NUDT14: variants seen among roughly 807,000 people sequenced by gnomAD.
NUDT14 encodes nudix hydrolase 14, also known as uridine diphosphate glucose pyrophosphatase NUDT14.
A neutral mutation model predicts 17.5 loss-of-function variants in NUDT14; 22 were observed. The ratio of observed to expected loss-of-function variants is 1.26; its 90% CI spans 0.90 to 1.80. NUDT14 has a LOEUF of 1.80. NUDT14 is among the 40% of genes most tolerant of loss of function. The pLI, the probability that NUDT14 is intolerant of heterozygous loss-of-function variation, is 0.00. For missense variants in NUDT14, 296 were observed against 295.6 expected, an observed-to-expected ratio of 1.00 and a Z score of -0.01; for synonymous variants, 129 against 125.8, an observed-to-expected ratio of 1.03 and a Z score of -0.17.
chr14:105,181,228 GGGGGCCGCGAGCTCTGC>G lies in NUDT14; in HGVS notation c.-36_-20del. ...GCTCCATGGCGGCGCCCGGACAGGCGGGGGCCGCGAGCTCTGCGGGGGCCGACACGGGGCGGCGCCCT... is the reference window on the plus strand; with the variant it reads ...GCTCCATGGCGGCGCCCGGACAGGCGGGGGGCCGACACGGGGCGGCGCCCT... On this transcript the variant is annotated 5_prime_UTR_variant, in exon 1 of 5. Transcript: ENST00000392568. The surrounding 1 kb of genome is among the most constrained non-coding windows in gnomAD (Gnocchi z 5.0). 3.8e-6 allele frequency: 1 copy of G among 261,770 alleles called. No individual in the cohort carries two copies. The highest frequency in any genetic ancestry group is 1.1e-4 in the South Asian group (1 of 9,424). 16.2% of individuals were successfully genotyped at this position (261,770 alleles called of 1,614,324 possible).
At chr14:105,174,903 C>G (rs1016691130) in intron 4 of NUDT14, among the ~76,000 whole-genome samples, 4 of 152,196 alleles carry the variant, frequency 2.6e-5, no homozygotes, top group Non-Finnish European at 5.9e-5. Flanking sequence ...AGCCACGGGC[C>G]CTGCCACAGG....
chr14:105,173,774 C>G lies in NUDT14; in HGVS notation c.429-513G>C, dbSNP rs1889155993. 6.6e-6 allele frequency: 1 copy of G among 151,810 alleles called. No individual in the cohort carries two copies. The allele number at this position is 151,810 out of a possible 1,614,324, so 9.4% of individuals were successfully genotyped here. A position where few individuals can be genotyped will look rare whatever the true frequency, so the allele number is the denominator to read the frequency against. On this transcript the variant is annotated intron_variant, in intron 4 of 4. Coordinates refer to ENST00000392568, the MANE Select transcript of NUDT14 (RefSeq NM_177533.5). The surrounding 1 kb of genome is among the most constrained non-coding windows in gnomAD (Gnocchi z 4.7). The stretch of plus-strand genomic sequence containing the variant: ...AAGACCCCAAGCCCCCATGAGATTG[C>G]AGATCCGGCTGACAACCTGCCTGCA...
chr14:105,177,559 G>A (rs1316483137), intron 2 of NUDT14, 133 bp downstream of exon 2: 7 of 810,960 alleles, frequency 8.6e-6, no homozygotes, highest in Non-Finnish European at 1.4e-5. Flanking sequence ...GCCGGGCAGA[G>A]AGAAGGGACT....
chr14:105,176,042 C>T (rs1889205544), intron 4 of NUDT14: 3 of 1,207,230 alleles, frequency 2.5e-6, no homozygotes, highest in African/African-American at 1.6e-5. Flanking sequence ...GGCAACCCCA[C>T]CCCAGCTGGC....
chr14:105,177,247 G>A, intron 2 of NUDT14: 1 of 650,724 alleles, frequency 1.5e-6, no homozygotes. Flanking sequence ...ATTCCAGCTG[G>A]CAGGATGGGA....
At chr14:105,178,266 G>A (rs1889258950) in intron 1 of NUDT14, among the ~76,000 whole-genome samples, 1 of 152,112 alleles carries the variant, frequency 6.6e-6, no homozygotes, top group African/African-American at 2.4e-5. Context: ...AGGAGCAGAT[G>A]AGGAAGGGTG....
intron 1 of NUDT14, among the ~76,000 whole-genome samples, chr14:105,178,974 G>A (rs963740843): frequency 1.3e-5 from 2 of 152,086 alleles, no homozygotes; most frequent in African/African-American, 4.8e-5. Flanking sequence ...GGCGACCCCA[G>A]GCCTGCCTGA....
intron 2 of NUDT14, 62 bp from the exon 3 acceptor site, chr14:105,177,089 TC>T: frequency 6.7e-7 from 1 of 1,502,482 alleles, no homozygotes. Flanking sequence ...GGGCCCCACC[TC>T]CCATCTTTCT....
chr14:105,174,649 G>A lies in NUDT14; in HGVS notation c.429-1388C>T, dbSNP rs113524219. Among the ~76,000 whole-genome samples the A allele has an allele frequency of 9.0e-3, 1,370 of 152,254 alleles. 10 individuals are homozygous for A. Among genetic ancestry groups the A allele is most frequent in the Non-Finnish European group, 0.013 (911 of 67,988 alleles). On this transcript the variant is annotated intron_variant, in intron 4 of 4. Transcript: ENST00000392568. Reference sequence around the variant, plus strand: ...CATTTCCGGCGGCGGCCGCGGCTGCGCCTCTGAGGGAAGTGGCGGGTCTGG... The same window carrying A: ...CATTTCCGGCGGCGGCCGCGGCTGCACCTCTGAGGGAAGTGGCGGGTCTGG...
chr14:105,176,401 T>A, intron 4 of NUDT14, 133 bp downstream of exon 4: 1 of 800,688 alleles, frequency 1.2e-6, no homozygotes, highest in South Asian at 1.6e-5. Flanking sequence ...GCGCATTCGG[T>A]CCAACCCTCC....
Position 105,173,312 on chromosome 14 carries a change from C to G in NUDT14, c.429-51G>C. 1.4e-6 allele frequency: 2 copies of G among 1,452,036 alleles called. No homozygotes were observed. The highest frequency in any genetic ancestry group is 3.1e-5 in the South Asian group (2 of 64,976). 89.9% of individuals were successfully genotyped at this position (1,452,036 alleles called of 1,614,324 possible). On this transcript the variant is annotated intron_variant, in intron 4 of 4. Transcript: ENST00000392568. The surrounding 1 kb of genome is among the most constrained non-coding windows in gnomAD (Gnocchi z 4.7). ...AGTCACCCACGCTGGCCCCGCTGGC[C>G]CCCTGGCCCTTCTACCACCCTCCAA...
rs1889144475 is a variant in NUDT14, at chr14:105,173,310, G to A, written c.429-49C>T. On this transcript the variant is annotated intron_variant, in intron 4 of 4. Coordinates refer to ENST00000392568, the MANE Select transcript of NUDT14 (RefSeq NM_177533.5). The surrounding 1 kb of genome is among the most constrained non-coding windows in gnomAD (Gnocchi z 4.7). ...TGAGTCACCCACGCTGGCCCCGCTG[G>A]CCCCCTGGCCCTTCTACCACCCTCC... 3.5e-6 allele frequency: 5 copies of A among 1,446,676 alleles called. No individual in the cohort carries two copies. In the East Asian group the frequency reaches 7.8e-5, roughly 23 times the overall value. The allele number at this position is 1,446,676 out of a possible 1,614,324, so 89.6% of individuals were successfully genotyped here. A position where few individuals can be genotyped will look rare whatever the true frequency, so the allele number is the denominator to read the frequency against.
intron 4 of NUDT14, chr14:105,176,107 C>T (rs1889207141): frequency 2.6e-6 from 2 of 774,692 alleles, no homozygotes; most frequent in Non-Finnish European, 1.8e-6. Context: ...GGTCCCAAAG[C>T]GCAGGCTCTA....
At chr14:105,178,745 G>A (rs1436110184) in intron 1 of NUDT14, among the ~76,000 whole-genome samples, 2 of 152,232 alleles carry the variant, frequency 1.3e-5, no homozygotes, top group Admixed American at 6.5e-5. Context: ...AGTGCAGCCA[G>A]GACTGCAGAA....
intron 4 of NUDT14, chr14:105,175,980 T>C (rs1333761365): frequency 1.6e-6 from 2 of 1,273,216 alleles, no homozygotes; most frequent in East Asian, 5.8e-5. Flanking sequence ...GAGCCCATCG[T>C]AGCGTCCCTG....
chr14:105,177,229 C>T (rs1172222695), intron 2 of NUDT14: 1 of 655,208 alleles, frequency 1.5e-6, no homozygotes, highest in South Asian at 1.7e-5. Context: ...AGGACCCAGA[C>T]CTGCTGTATT....
At chr14:105,179,342 G>C (rs1327387267) in intron 1 of NUDT14, among the ~76,000 whole-genome samples, 1 of 152,172 alleles carries the variant, frequency 6.6e-6, no homozygotes, top group Non-Finnish European at 1.5e-5. Flanking sequence ...AAAAGCTGAG[G>C]GCTGCAGCTG....
chr14:105,181,095 C>CGGGGGCGCG lies in NUDT14; in HGVS notation c.81+25_81+33dup, dbSNP rs1183956823. On this transcript the variant is annotated intron_variant, in intron 1 of 4. Transcript: ENST00000392568. The surrounding 1 kb of genome is among the most constrained non-coding windows in gnomAD (Gnocchi z 5.0). Reference sequence around the variant, plus strand: ...CGCGGGTCGTGGGCCGGGCCGCCGGCGGGGGCGCGGGGGACGCGGGGGCGC... The same window carrying CGGGGGCGCG: ...CGCGGGTCGTGGGCCGGGCCGCCGGCGGGGGCGCGGGGGGCGCGGGGGACGCGGGGGCGC... 8 of 740,180 alleles carry CGGGGGCGCG rather than the reference C, an allele frequency of 1.1e-5. No homozygotes were observed. The highest frequency in any genetic ancestry group is 1.2e-4 in the South Asian group (2 of 16,384). The allele number at this position is 740,180 out of a possible 1,614,324, so 45.9% of individuals were successfully genotyped here.
chr14:105,178,335 C>T (rs587758299), intron 1 of NUDT14, among the ~76,000 whole-genome samples: 1 of 152,192 alleles, frequency 6.6e-6, no homozygotes, highest in South Asian at 2.1e-4. Context: ...TGATGGTGAC[C>T]AGGCTCGGCA....
Sources: gnomAD v4.1 joint callset for allele counts (sites outside exome capture counted in the v4.1 genomes callset) on GRCh38, gnomAD v4.1.1 for gene constraint, Gnocchi (gnomAD v3.1) non-coding constraint, MANE v1.5 for transcripts, NCBI Gene and HGNC (gene_info 2026-07-23, HGNC 2026-07-21) for gene names.